IQCM: variants seen among roughly 807,000 people sequenced by gnomAD.
The protein encoded by IQCM is IQ motif containing M.
In IQCM, 45 loss-of-function variants were observed where a neutral mutation model predicts 57.6. The ratio of observed to expected loss-of-function variants is 0.78; its 90% CI spans 0.62 to 1.00. The LOEUF (loss-of-function observed/expected upper bound fraction) is 1.00, where lower values mean the gene tolerates loss of function less well. Ranked by LOEUF, IQCM falls within the 50% of genes least tolerant of loss-of-function variation. IQCM has a pLI of 0.00. For synonymous variants in IQCM, 148 were observed against 158.9 expected, an observed-to-expected ratio of 0.93 and a Z score of 0.51; for missense variants, 468 against 511.6, an observed-to-expected ratio of 0.91 and a Z score of 0.82.
intron 9 of IQCM, among the ~76,000 whole-genome samples, chr4:149,565,406 T>C (rs1750526229): frequency 6.6e-6 from 1 of 152,206 alleles, no homozygotes. Context: ...ACAAAGTCTC[T>C]GTTAGGTGGT....
chr4:149,586,702 C>T (rs865811595), intron 9 of IQCM, among the ~76,000 whole-genome samples: 9 of 151,488 alleles, frequency 5.9e-5, no homozygotes, highest in Middle Eastern at 3.4e-3. Context: ...TCATTTTTGG[C>T]AAATTAATTA....
intron 13 of IQCM, among the ~76,000 whole-genome samples, chr4:149,430,636 T>G (rs1734771080): frequency 6.6e-6 from 1 of 152,026 alleles, no homozygotes; most frequent in Non-Finnish European, 1.5e-5. Flanking sequence ...ACTCGCATAC[T>G]TATTTTGAGA....
chr4:149,585,044 G>T (rs1240781090), intron 9 of IQCM, among the ~76,000 whole-genome samples: 1 of 151,558 alleles, frequency 6.6e-6, no homozygotes, highest in African/African-American at 2.4e-5. Context: ...AACTGTAAAG[G>T]GTTCCCGCAA....
Position 149,590,247 on chromosome 4 carries a change from CTT to C in IQCM, c.682-2252_682-2251del, listed in dbSNP as rs71596214. ...GCAATTGATTTTTTCTTTTTCTTTC[CTT>C]TTTTTTTTTTTTTTTTTTTTGCTTT... On this transcript the variant is annotated intron_variant, in intron 8 of 13. Coordinates refer to ENST00000636793, the MANE Select transcript of IQCM (RefSeq NM_001363507.2). Among the ~76,000 whole-genome samples, 267 of 73,592 alleles carry C rather than the reference CTT, an allele frequency of 3.6e-3. 1 individual carries two copies. The highest frequency in any genetic ancestry group is 4.9e-3 in the Non-Finnish European group (189 of 38,288). 48.3% of individuals were successfully genotyped at this position (73,592 alleles called of 152,430 possible).
intron 2 of IQCM, among the ~76,000 whole-genome samples, chr4:149,791,105 T>C (rs1434419429): frequency 1.3e-5 from 2 of 152,172 alleles, no homozygotes; most frequent in African/African-American, 4.8e-5. Flanking sequence ...AAAGTGCAAG[T>C]AATTTTATTC....
chr4:149,374,989 GTGTGTGTGT>G (rs752785314), intron 13 of IQCM, among the ~76,000 whole-genome samples: 291 of 124,502 alleles, frequency 2.3e-3, no homozygotes, highest in African/African-American at 5.4e-3. Flanking sequence ...GTGTGTGTGT[GTGTGTGTGT>G]TGTGTGTGTG....
chr4:149,546,211 C>G (rs1208257120), intron 12 of IQCM, among the ~76,000 whole-genome samples: 2 of 152,168 alleles, frequency 1.3e-5, no homozygotes, highest in East Asian at 1.9e-4. Context: ...TTAATCCAGT[C>G]TATCATTGAT....
chr4:149,815,262 G>C (rs1774946978), intron 2 of IQCM, 49 bp downstream of exon 2: 1 of 151,806 alleles, frequency 6.6e-6, no homozygotes, highest in Admixed American at 6.6e-5. Flanking sequence ...ACTGACCAAG[G>C]GGCCTGAATT....
At chr4:149,408,317 A>G (rs2111162536) in intron 13 of IQCM, among the ~76,000 whole-genome samples, 1 of 152,308 alleles carries the variant, frequency 6.6e-6, no homozygotes, top group South Asian at 2.1e-4. Flanking sequence ...TGAAAAGTAA[A>G]CTGGTTATAA....
chr4:149,765,177 C>A lies in IQCM; in HGVS notation c.-48-22438G>T, dbSNP rs1769922061. On this transcript the variant is annotated intron_variant, in intron 2 of 13. Transcript: ENST00000636793. ...TACACTAATGCATCTTATGTACTAG[C>A]TAATGCTGGGATCAGGGAAACCAAA... Among the ~76,000 whole-genome samples, 3 of 152,018 alleles carry A rather than the reference C, an allele frequency of 2.0e-5. No individual in the cohort carries two copies. In the South Asian group the frequency reaches 6.2e-4, roughly 31 times the overall value.
chr4:149,389,625 G>A (rs1247031600), intron 13 of IQCM, among the ~76,000 whole-genome samples: 2 of 149,588 alleles, frequency 1.3e-5, no homozygotes, highest in East Asian at 2.0e-4. Context: ...ACCAAACACC[G>A]CATATTCTCA....
At chr4:149,581,000 A>G (rs1393410084) in intron 9 of IQCM, among the ~76,000 whole-genome samples, 3 of 151,782 alleles carry the variant, frequency 2.0e-5, no homozygotes, top group Admixed American at 1.3e-4. Flanking sequence ...TTGAGCTTAT[A>G]TTCCAGTAGA....
At chr4:149,647,666 T>C (rs1446192841) in intron 7 of IQCM, among the ~76,000 whole-genome samples, 1 of 152,124 alleles carries the variant, frequency 6.6e-6, no homozygotes, top group Non-Finnish European at 1.5e-5. Context: ...TTTTAAAAAT[T>C]GTTTCTCTTT....
rs533089596 is a variant in IQCM, at chr4:149,408,323, T to C, written c.1390+25073A>G. Reference sequence around the variant, plus strand: ...TCTAAAATGTGAAAAGTAAACTGGTTATAAAATAATTGACGAAGCATAAAT... The same window carrying C: ...TCTAAAATGTGAAAAGTAAACTGGTCATAAAATAATTGACGAAGCATAAAT... On this transcript the variant is annotated intron_variant, in intron 13 of 13. Transcript: ENST00000636793. 8.5e-5 allele frequency among the ~76,000 whole-genome samples: 13 copies of C among 152,296 alleles called. No homozygotes were observed. In the East Asian group the frequency reaches 2.5e-3, roughly 29 times the overall value.
chr4:149,592,600 T>A (rs1363856212), intron 8 of IQCM, among the ~76,000 whole-genome samples: 3 of 151,864 alleles, frequency 2.0e-5, no homozygotes, highest in African/African-American at 7.2e-5. Flanking sequence ...GGTCTAACAT[T>A]TAAGTCTTTA....
At chr4:149,624,016 G>A (rs1210856288) in intron 7 of IQCM, among the ~76,000 whole-genome samples, 2 of 152,038 alleles carry the variant, frequency 1.3e-5, no homozygotes, top group East Asian at 3.9e-4. Context: ...CAATATTTTA[G>A]ACTATCATCA....
At position 149,694,244 on chromosome 4, in the gene IQCM, A is replaced by C. The variant is rs1316550443; in HGVS notation, c.386-7776T>G. 3.9e-5 allele frequency among the ~76,000 whole-genome samples: 2 copies of C among 50,654 alleles called. 1 individual carries two copies. Among genetic ancestry groups the C allele is most frequent in the Non-Finnish European group, 7.1e-5 (2 of 28,062 alleles). 33.2% of individuals were successfully genotyped at this position (50,654 alleles called of 152,430 possible). On this transcript the variant is annotated intron_variant, in intron 5 of 13. Transcript: ENST00000636793. Reference sequence around the variant, plus strand: ...TTTTTTTTTTTTTTTTTTTTTTTTGAGACGGAGTCTCGCTCTGTCGCCCAG... The same window carrying C: ...TTTTTTTTTTTTTTTTTTTTTTTTGCGACGGAGTCTCGCTCTGTCGCCCAG...
intron 5 of IQCM, chr4:149,690,918 T>C (rs1438309734): frequency 6.6e-6 from 1 of 152,138 alleles, no homozygotes; most frequent in Non-Finnish European, 1.5e-5. Flanking sequence ...TTTACTGTGC[T>C]CTACACTGCC....
intron 9 of IQCM, among the ~76,000 whole-genome samples, chr4:149,577,527 G>T (rs1056489756): frequency 1.3e-5 from 2 of 151,960 alleles, no homozygotes; most frequent in African/African-American, 4.8e-5. Context: ...CTTTGTCAAA[G>T]ATCAGATGGT....
Sources: allele counts gnomAD v4.1 joint callset (sites outside exome capture counted in the v4.1 genomes callset), GRCh38; gene constraint gnomAD v4.1.1; transcripts MANE v1.5; gene names NCBI Gene and HGNC (gene_info 2026-07-23, HGNC 2026-07-21).